PHF14: variants seen among roughly 807,000 people sequenced by gnomAD.
PHF14 encodes the protein PHD finger protein 14.
PHF14 carries 55 observed loss-of-function variants against 117.9 expected under a neutral mutation model. That is an observed-to-expected ratio of 0.47 (90% confidence interval 0.38 to 0.58). The LOEUF (loss-of-function observed/expected upper bound fraction) is 0.58, where lower values mean the gene tolerates loss of function less well. Ranked by LOEUF, PHF14 falls within the 20% of genes least tolerant of loss-of-function variation. PHF14 has a pLI of 0.00. For synonymous variants in PHF14, 409 were observed against 368.6 expected (o/e 1.11, Z -1.26); for missense variants, 978 against 1,122.2 (o/e 0.87, Z 1.84).
chr7:11,052,278 T>C (rs1418797539), intron 14 of PHF14, among the ~76,000 whole-genome samples: 2 of 152,242 alleles, frequency 1.3e-5, no homozygotes, highest in Non-Finnish European at 2.9e-5. Context: ...ACCAAAATTA[T>C]GTTGATTTGA....
At chr7:11,099,053 T>C (rs1298817518) in intron 16 of PHF14, among the ~76,000 whole-genome samples, 1 of 152,208 alleles carries the variant, frequency 6.6e-6, no homozygotes, top group Non-Finnish European at 1.5e-5. Flanking sequence ...AGAGGTTTAA[T>C]TTAAAAAATA....
chr7:11,048,268 T>C (rs534874162), intron 13 of PHF14, among the ~76,000 whole-genome samples: 2 of 152,224 alleles, frequency 1.3e-5, no homozygotes, highest in East Asian at 1.9e-4. Context: ...ATCATGATTT[T>C]CCTTAAAATA....
rs1788073208 is a variant in PHF14, at chr7:11,130,787, T to G, written c.2772+19320T>G. Among the ~76,000 whole-genome samples, 1 of 151,952 alleles carries G rather than the reference T, an allele frequency of 6.6e-6. No homozygotes were observed. The highest frequency in any genetic ancestry group is 1.5e-5 in the Non-Finnish European group (1 of 67,922). On this transcript the variant is annotated intron_variant, in intron 17 of 17. Coordinates refer to ENST00000634607, the MANE Select transcript of PHF14 (RefSeq NM_001007157.2). This position sits in a 1 kb window ranked among gnomAD's most constrained non-coding sequence, Gnocchi z 4.2. ...TCCACCATTACAGTGTCATACAGAA[T>G]AGTTCACTGCCCTAAAGATCTCCTG...
chr7:11,122,431 A>G (rs942365494), intron 17 of PHF14, among the ~76,000 whole-genome samples: 5 of 124,564 alleles, frequency 4.0e-5, no homozygotes, highest in African/African-American at 9.2e-5. Context: ...ATATACACGT[A>G]TATATATATA....
At chr7:11,009,625 G>GC (rs1783266720) in intron 4 of PHF14, among the ~76,000 whole-genome samples, 1 of 152,200 alleles carries the variant, frequency 6.6e-6, no homozygotes, top group African/African-American at 2.4e-5. Context: ...ATGAATTGGA[G>GC]CAGATATACA....
At chr7:11,122,455 A>T (rs973084300) in intron 17 of PHF14, among the ~76,000 whole-genome samples, 1 of 142,474 alleles carries the variant, frequency 7.0e-6, no homozygotes, top group East Asian at 2.1e-4. Flanking sequence ...ATATATATAT[A>T]TTGTGTGTGT....
intron 17 of PHF14, among the ~76,000 whole-genome samples, chr7:11,147,376 C>T (rs1011665930): frequency 1.3e-5 from 2 of 152,126 alleles, no homozygotes; most frequent in African/African-American, 4.8e-5. Context: ...GCTACAACTC[C>T]AGTTATTATC....
chr7:11,074,132 A>T (rs1372473128), intron 16 of PHF14, among the ~76,000 whole-genome samples: 1 of 151,870 alleles, frequency 6.6e-6, no homozygotes, highest in East Asian at 1.9e-4. Context: ...TTTTTTAGTC[A>T]TGCTAATCAC....
At chr7:10,978,790 A>G (rs922240540) in intron 2 of PHF14, among the ~76,000 whole-genome samples, 2 of 152,130 alleles carry the variant, frequency 1.3e-5, no homozygotes, top group African/African-American at 4.8e-5. Flanking sequence ...GTTTCCAGAC[A>G]TTGCCAGTTG....
chr7:11,037,219 A>C (rs569054154), intron 10 of PHF14, 128 bp downstream of exon 10: 1 of 683,546 alleles, frequency 1.5e-6, no homozygotes, highest in Non-Finnish European at 2.3e-6. Context: ...CTTCCCTATA[A>C]CTCCTACTCC....
intron 17 of PHF14, among the ~76,000 whole-genome samples, chr7:11,149,935 A>G (rs1156314456): frequency 6.6e-6 from 1 of 152,110 alleles, no homozygotes; most frequent in Admixed American, 6.6e-5. Context: ...AGATTAAATA[A>G]TAGTGATATA....
intron 4 of PHF14, among the ~76,000 whole-genome samples, chr7:10,993,331 G>A (rs1439685652): frequency 6.6e-6 from 1 of 152,006 alleles, no homozygotes; most frequent in African/African-American, 2.4e-5. Context: ...AAGTAATTCT[G>A]GGAGTCTGCT....
chr7:11,030,241 C>A (rs566911242), intron 7 of PHF14, among the ~76,000 whole-genome samples: 1 of 151,720 alleles, frequency 6.6e-6, no homozygotes, highest in East Asian at 1.9e-4. Context: ...GGCAAAAGTA[C>A]GAGAGGGCAA....
intron 9 of PHF14, 63 bp downstream of exon 9, chr7:11,036,751 G>C: frequency 4.9e-6 from 7 of 1,418,432 alleles, no homozygotes; most frequent in Non-Finnish European, 6.8e-6. Context: ...GAAAATGTTT[G>C]ATATACTGTT....
intron 4 of PHF14, among the ~76,000 whole-genome samples, chr7:10,995,779 C>T (rs1376303798): frequency 6.6e-6 from 1 of 152,202 alleles, no homozygotes; most frequent in East Asian, 1.9e-4. Context: ...GCACCCTCCA[C>T]AGCTGCTGGC....
At chr7:11,023,688 C>T (rs990192733) in intron 6 of PHF14, among the ~76,000 whole-genome samples, 9 of 152,082 alleles carry the variant, frequency 5.9e-5, no homozygotes, top group Non-Finnish European at 1.2e-4. Context: ...ATTAGCTGGG[C>T]GTGGTGGCGC....
chr7:11,141,308 T>C (rs1439665554), intron 17 of PHF14, among the ~76,000 whole-genome samples: 1 of 152,034 alleles, frequency 6.6e-6, no homozygotes, highest in Non-Finnish European at 1.5e-5. Flanking sequence ...TCAGAAGGAT[T>C]GTTAATGAAT....
intron 17 of PHF14, among the ~76,000 whole-genome samples, chr7:11,116,048 TA>T (rs1275063937): frequency 1.3e-5 from 2 of 152,062 alleles, no homozygotes; most frequent in Non-Finnish European, 2.9e-5. Flanking sequence ...TGAGACTATG[TA>T]AAAATATCCT....
chr7:11,000,901 T>G (rs1442493904), intron 4 of PHF14, among the ~76,000 whole-genome samples: 1 of 152,146 alleles, frequency 6.6e-6, no homozygotes, highest in Non-Finnish European at 1.5e-5. Flanking sequence ...TCTTGTTTAT[T>G]ACGCTTTTGG....
Sources: allele counts gnomAD v4.1 joint callset (sites outside exome capture counted in the v4.1 genomes callset), GRCh38; gene constraint gnomAD v4.1.1; non-coding constraint Gnocchi (gnomAD v3.1); transcripts MANE v1.5; gene names NCBI Gene and HGNC (gene_info 2026-07-23, HGNC 2026-07-21).